The following ABCA13 variants were observed in gnomAD, a reference collection of about 807,000 sequenced individuals.
ABCA13 encodes ATP-binding cassette sub-family A member 13.
A neutral mutation model predicts 478.7 loss-of-function variants in ABCA13; 476 were observed. The observed-to-expected ratio is 0.99, with a 90% CI of 0.92 to 1.07. The LOEUF (loss-of-function observed/expected upper bound fraction) is 1.07, where lower values mean the gene tolerates loss of function less well. Among genes scored for constraint, ABCA13 ranks in the 50% least tolerant of loss-of-function variants. ABCA13 has a pLI of 0.00. For missense variants in ABCA13, 6,060 were observed against 5,910.6 expected (o/e 1.03, Z -0.83); for synonymous variants, 2,252 against 2,158.9 (o/e 1.04, Z -1.20).
intron 42 of ABCA13, among the ~76,000 whole-genome samples, chr7:48,450,240 T>G (rs1824824657): frequency 6.6e-6 from 1 of 152,216 alleles, no homozygotes; most frequent in East Asian, 1.9e-4. Flanking sequence ...GCACTAGAAT[T>G]CTGTAACTCA....
intron 48 of ABCA13, among the ~76,000 whole-genome samples, chr7:48,503,765 A>G (rs772916556): frequency 1.3e-5 from 2 of 152,218 alleles, no homozygotes; most frequent in East Asian, 1.9e-4. Context: ...GCCTGCAGAT[A>G]TCTCTTCAAG....
intron 58 of ABCA13, among the ~76,000 whole-genome samples, chr7:48,614,526 C>T (rs1792354327): frequency 6.6e-6 from 1 of 150,964 alleles, no homozygotes; most frequent in Non-Finnish European, 1.5e-5. Flanking sequence ...CCAGCCATCC[C>T]ATTACTGGGT....
chr7:48,364,383 A>G (rs1811352444), intron 31 of ABCA13, among the ~76,000 whole-genome samples: 1 of 152,192 alleles, frequency 6.6e-6, no homozygotes, highest in Admixed American at 6.5e-5. Context: ...GGTAATTGAG[A>G]TAGCCATCAC....
intron 11 of ABCA13, 28 bp downstream of exon 11, chr7:48,244,731 C>T: frequency 6.4e-7 from 1 of 1,565,644 alleles, no homozygotes; most frequent in Non-Finnish European, 8.7e-7. Flanking sequence ...TTATTTGTCC[C>T]TGACTCACTA....
At chr7:48,423,686 C>T (rs1458614345) in intron 41 of ABCA13, among the ~76,000 whole-genome samples, 1 of 152,062 alleles carries the variant, frequency 6.6e-6, no homozygotes, top group African/African-American at 2.4e-5. Flanking sequence ...ATTTACTGTC[C>T]CTTGAAAAGA....
chr7:48,363,033 T>G (rs2129008265), intron 31 of ABCA13, among the ~76,000 whole-genome samples: 1 of 152,268 alleles, frequency 6.6e-6, no homozygotes, highest in Middle Eastern at 3.4e-3. Context: ...TTAATTCCTG[T>G]TTTTGTTTTA....
chr7:48,534,963 C>G (rs1435220515), intron 55 of ABCA13, among the ~76,000 whole-genome samples: 1 of 152,110 alleles, frequency 6.6e-6, no homozygotes, highest in Non-Finnish European at 1.5e-5. Flanking sequence ...TCCCTGGCTC[C>G]TCCTTGGTTA....
chr7:48,325,748 G>C (rs1804226979), intron 27 of ABCA13, among the ~76,000 whole-genome samples: 1 of 152,188 alleles, frequency 6.6e-6, no homozygotes, highest in South Asian at 2.1e-4. Context: ...TCTAAAGAAT[G>C]CAGCAATGGC....
At chr7:48,240,065 G>C (rs912294648) in intron 9 of ABCA13, among the ~76,000 whole-genome samples, 1 of 152,174 alleles carries the variant, frequency 6.6e-6, no homozygotes, top group Admixed American at 6.5e-5. Context: ...AGGCTTTGCC[G>C]TCTCTGTCTC....
At chr7:48,183,500 T>G (rs965612142) in intron 1 of ABCA13, among the ~76,000 whole-genome samples, 1 of 152,222 alleles carries the variant, frequency 6.6e-6, no homozygotes, top group Non-Finnish European at 1.5e-5. Context: ...AAATAATGAA[T>G]GAGCAAGTGC....
Position 48,269,013 on chromosome 7 carries a change from A to G in ABCA13, c.2039A>G (p.Asn680Ser), listed in dbSNP as rs1213044373. 15 of 1,598,344 alleles carry G rather than the reference A, an allele frequency of 9.4e-6. No individual in the cohort carries two copies. Among genetic ancestry groups the G allele is most frequent in the Non-Finnish European group, 1.3e-5 (15 of 1,168,144 alleles). Residue 680 changes from asparagine to serine, a missense_variant, in exon 16 of 62, where the codon AAC (asparagine) becomes AGC (serine). Physicochemically the swap from Asn to Ser is conservative, Grantham distance 46. This residue lies in a region of ABCA13 where 4,423 missense variants were observed against 4,309.1 expected (regional missense o/e 1.03). Coordinates refer to ENST00000435803, the MANE Select transcript of ABCA13 (RefSeq NM_152701.5). ...FPEESPCFEENMDWKMISDNY... is the reference protein window; with the variant it reads ...FPEESPCFEESMDWKMISDNY... ...GAGGAATCTCCTTGTTTTGAAGAAA[A>G]CATGGATTGGAAAATGATCAGTGAT...
chr7:48,315,819 TC>T (rs1204551228), intron 26 of ABCA13, among the ~76,000 whole-genome samples: 1 of 152,190 alleles, frequency 6.6e-6, no homozygotes, highest in Non-Finnish European at 1.5e-5. Flanking sequence ...GGAAAGTATT[TC>T]TATCAACTTT....
chr7:48,572,279 T>TTCCTTTCTA (rs1370174780), intron 55 of ABCA13, among the ~76,000 whole-genome samples: 1 of 152,130 alleles, frequency 6.6e-6, no homozygotes, highest in African/African-American at 2.4e-5. Flanking sequence ...CTTTTATATT[T>TTCCTTTCTA]TCCTTTCTAG....
At chr7:48,461,503 C>G (rs970518634) in intron 43 of ABCA13, among the ~76,000 whole-genome samples, 1 of 152,150 alleles carries the variant, frequency 6.6e-6, no homozygotes, top group Admixed American at 6.6e-5. Context: ...AAACTATTTG[C>G]TTGACTTAAT....
intron 27 of ABCA13, among the ~76,000 whole-genome samples, chr7:48,320,230 C>A (rs1199874747): frequency 6.6e-6 from 1 of 152,154 alleles, no homozygotes; most frequent in Non-Finnish European, 1.5e-5. Flanking sequence ...ATAGAAGAAG[C>A]TTGTATGAAG....
At chr7:48,617,315 T>C (rs956715384) in intron 59 of ABCA13, among the ~76,000 whole-genome samples, 1 of 152,150 alleles carries the variant, frequency 6.6e-6, no homozygotes, top group Non-Finnish European at 1.5e-5. Flanking sequence ...TTTCTTTCCA[T>C]GAACATGAAT....
chr7:48,291,471 T>A (rs904616367), intron 20 of ABCA13, among the ~76,000 whole-genome samples: 18 of 152,264 alleles, frequency 1.2e-4, no homozygotes, highest in African/African-American at 3.6e-4. Flanking sequence ...GTAGTGCCTC[T>A]GAGCTGGGGA....
At chr7:48,530,915 A>G (rs1833185658) in intron 55 of ABCA13, among the ~76,000 whole-genome samples, 1 of 152,160 alleles carries the variant, frequency 6.6e-6, no homozygotes. Flanking sequence ...TAGATTGTGA[A>G]GATTTTCTCC....
chr7:48,447,597 A>C (rs887343081), intron 42 of ABCA13, among the ~76,000 whole-genome samples: 2 of 152,214 alleles, frequency 1.3e-5, no homozygotes, highest in African/African-American at 4.8e-5. Context: ...TTGAGAGTGA[A>C]ATCAAGAGGT....
Sources: allele counts gnomAD v4.1 joint callset (sites outside exome capture counted in the v4.1 genomes callset), GRCh38; gene constraint gnomAD v4.1.1; regional missense constraint gnomAD v4.1.1; transcripts MANE v1.5; gene names NCBI Gene and HGNC (gene_info 2026-07-23, HGNC 2026-07-21).